The following BLMH variants were observed in gnomAD, a reference collection of about 807,000 sequenced individuals.
BLMH encodes the protein BLM hydrolase.
A neutral mutation model predicts 61.6 loss-of-function variants in BLMH; 32 were observed. That is an observed-to-expected ratio of 0.52 (90% CI 0.39 to 0.70). The LOEUF is 0.70. BLMH is among the 30% of genes least tolerant of loss of function. The pLI is 0.00. For missense variants in BLMH, 460 were observed against 555.5 expected, an observed-to-expected ratio of 0.83 and a Z score of 1.73; for synonymous variants, 183 against 193.8, an observed-to-expected ratio of 0.94 and a Z score of 0.46.
chr17:30,253,641 GAC>G (rs1907732167), intron 11 of BLMH, among the ~76,000 whole-genome samples: 1 of 152,016 alleles, frequency 6.6e-6, no homozygotes, highest in African/African-American at 2.4e-5. Flanking sequence ...CTAACCCTTA[GAC>G]ACACTGGCCG....
intron 11 of BLMH, 139 bp from the exon 12 acceptor site, chr17:30,249,307 T>G: frequency 1.1e-6 from 1 of 919,216 alleles, no homozygotes; most frequent in East Asian, 2.7e-5. Context: ...TCATTTAATC[T>G]AAATCTTATT....
intron 11 of BLMH, among the ~76,000 whole-genome samples, chr17:30,261,021 T>C (rs1454400634): frequency 6.6e-6 from 1 of 152,192 alleles, no homozygotes; most frequent in East Asian, 1.9e-4. Context: ...AACTTGCCCC[T>C]TTCTCGGAAA....
intron 7 of BLMH, chr17:30,273,553 C>T (rs1908338177): frequency 1.2e-5 from 2 of 162,086 alleles, no homozygotes; most frequent in Admixed American, 6.4e-5. Flanking sequence ...AGTTACAAGA[C>T]AGGCATCTGC....
At chr17:30,267,202 A>G (rs1418821679) in intron 10 of BLMH, among the ~76,000 whole-genome samples, 1 of 152,188 alleles carries the variant, frequency 6.6e-6, no homozygotes, top group African/African-American at 2.4e-5. Context: ...TAAACTAACA[A>G]AGCAATAAAT....
chr17:30,250,165 T>C (rs981201029), intron 11 of BLMH: 3 of 152,224 alleles, frequency 2.0e-5, no homozygotes, highest in Non-Finnish European at 2.9e-5. Flanking sequence ...CTTCCAGACA[T>C]TGGCTTAGGC....
chr17:30,265,224 T>G (rs1368371578), intron 11 of BLMH, among the ~76,000 whole-genome samples: 1 of 152,226 alleles, frequency 6.6e-6, no homozygotes, highest in Non-Finnish European at 1.5e-5. Flanking sequence ...GTGATTATTC[T>G]CATAGAGAGA....
intron 1 of BLMH, 67 bp downstream of exon 1, chr17:30,291,740 C>G (rs1344632167): frequency 1.4e-6 from 2 of 1,421,912 alleles, no homozygotes; most frequent in East Asian, 5.1e-5. Context: ...GCCTTCCCCG[C>G]CGCCGGGCCT....
chr17:30,273,236 G>C (rs142468723), intron 7 of BLMH: 2 of 180,674 alleles, frequency 1.1e-5, no homozygotes, highest in East Asian at 3.1e-4. Flanking sequence ...GCGCCATCTC[G>C]GCTCACTGCA....
At chr17:30,276,277 C>T (rs1388103902) in intron 6 of BLMH, among the ~76,000 whole-genome samples, 1 of 152,162 alleles carries the variant, frequency 6.6e-6, no homozygotes, top group African/African-American at 2.4e-5. Flanking sequence ...GATATTATCC[C>T]CCTTTTACAG....
At chr17:30,288,158 T>A (rs1908783185) in intron 3 of BLMH, 1 of 460,970 alleles carries the variant, frequency 2.2e-6, no homozygotes, top group East Asian at 3.8e-5. Flanking sequence ...TTTGGGGACT[T>A]ACGATGCTGA....
chr17:30,254,890 A>G (rs747404657), intron 11 of BLMH, among the ~76,000 whole-genome samples: 21 of 152,220 alleles, frequency 1.4e-4, no homozygotes, highest in Non-Finnish European at 2.8e-4. Context: ...ATGAGACATC[A>G]TACATGGTGG....
Position 30,286,819 on chromosome 17 carries a change from G to T in BLMH, c.547C>A (p.His183Asn). 1 of 1,581,696 alleles carries T rather than the reference G, an allele frequency of 6.3e-7. No homozygotes were observed. Among genetic ancestry groups the T allele is most frequent in the Non-Finnish European group, 8.7e-7 (1 of 1,151,158 alleles). Residue 183 changes from histidine (H) to asparagine (N), a missense_variant, in exon 5 of 12, where the codon CAC (histidine) becomes AAC (asparagine). Physicochemically the swap from His to Asn is moderately conservative, Grantham distance 68. This residue lies in a region of BLMH where 310 missense variants were observed against 371.1 expected (regional missense o/e 0.84). Coordinates refer to ENST00000261714, the MANE Select transcript of BLMH (RefSeq NM_000386.4). ...ATRRMNDILN[H>N]KMREFCIRLR... The stretch of plus-strand genomic sequence containing the variant: ...CCCTGCTTCATATATTGTACCTTGT[G>T]ATTCAGAATATCATTCATCCTTCTG...
chr17:30,291,509 C>T lies in BLMH; in HGVS notation c.14-1G>A, dbSNP rs1460334098. On this transcript the variant is annotated splice_acceptor_variant, in intron 1 of 11. Transcript: ENST00000261714. LOFTEE classifies it high-confidence loss of function. ...GCAGCTACCTTCTCCGAATTCAGTC[C>T]TGTTGGGAGACCAAACAGGATTTTA... is the stretch of plus-strand genomic sequence containing the variant. 1 of 1,613,586 alleles carries T rather than the reference C, an allele frequency of 6.2e-7. No individual in the cohort carries two copies. Among genetic ancestry groups the T allele is most frequent in the Non-Finnish European group, 8.5e-7 (1 of 1,179,604 alleles).
At position 30,276,627 on chromosome 17, in the gene BLMH, C is replaced by T. The variant is rs147918603; in HGVS notation, c.646-2430G>A. Among the ~76,000 whole-genome samples the T allele has an allele frequency of 5.5e-3, 835 of 152,324 alleles. 11 individuals are homozygous for T. Among genetic ancestry groups the T allele is most frequent in the African/African-American group, 0.018 (762 of 41,572 alleles). On this transcript the variant is annotated intron_variant, in intron 6 of 11. Coordinates refer to ENST00000261714, the MANE Select transcript of BLMH (RefSeq NM_000386.4). ...GAAAAGCACTACTTTTCTCAACTCA[C>T]GTCCCTGTTGAAGATCCAATGTTTC...
At chr17:30,269,183 T>G (rs1372341261) in intron 10 of BLMH, among the ~76,000 whole-genome samples, 1 of 147,616 alleles carries the variant, frequency 6.8e-6, no homozygotes, top group African/African-American at 2.5e-5. Context: ...ATTTATTGTT[T>G]TTTTTTTTTT....
At chr17:30,264,003 C>T (rs1908032361) in intron 11 of BLMH, among the ~76,000 whole-genome samples, 1 of 152,182 alleles carries the variant, frequency 6.6e-6, no homozygotes, top group Admixed American at 6.5e-5. Context: ...ACTAGGATGA[C>T]AGACAAGAAG....
At chr17:30,252,565 T>C (rs970385569) in intron 11 of BLMH, among the ~76,000 whole-genome samples, 5 of 141,740 alleles carry the variant, frequency 3.5e-5, no homozygotes, top group Admixed American at 2.8e-4. Context: ...AAAAATTAGC[T>C]GGTGTGGTGG....
rs1908315700 is a variant in BLMH at position 30,272,963 on chromosome 17, C to G, written c.802-64G>C. 3.9e-6 allele frequency: 6 copies of G among 1,543,194 alleles called. No homozygotes were observed. The Admixed American group carries it at 5.2e-5, about 13-fold the overall frequency. Reference sequence around the variant, plus strand: ...CAGGAATGTCAAGCAACACACAGCTCTCCTCTAGGTTCATGTTTCCATCAA... The same window carrying G: ...CAGGAATGTCAAGCAACACACAGCTGTCCTCTAGGTTCATGTTTCCATCAA... On this transcript the variant is annotated intron_variant, in intron 7 of 11. Coordinates refer to ENST00000261714, the MANE Select transcript of BLMH (RefSeq NM_000386.4).
chr17:30,266,169 T>A (rs751420342), intron 11 of BLMH, among the ~76,000 whole-genome samples: 3 of 152,096 alleles, frequency 2.0e-5, no homozygotes, highest in Non-Finnish European at 4.4e-5. Flanking sequence ...AAAGAAAGCT[T>A]CTTGCCAGTC....
Sources: gnomAD v4.1 joint callset for allele counts (sites outside exome capture counted in the v4.1 genomes callset) on GRCh38, gnomAD v4.1.1 for gene constraint, gnomAD v4.1.1 regional missense constraint, MANE v1.5 for transcripts, NCBI Gene and HGNC (gene_info 2026-07-23, HGNC 2026-07-21) for gene names.